The following FOXO3 variants were observed in gnomAD, a reference collection of about 807,000 sequenced individuals.
The protein encoded by FOXO3 is forkhead box O3, also known as forkhead box protein O3.
In FOXO3, 4 loss-of-function variants were observed where a neutral mutation model predicts 41.9. That is an observed-to-expected ratio of 0.10 (90% confidence interval 0.05 to 0.22). FOXO3 has a LOEUF of 0.22. FOXO3 is among the 10% of genes least tolerant of loss of function. The pLI, the probability that FOXO3 is intolerant of heterozygous loss-of-function variation, is 1.00. For missense variants in FOXO3, 534 were observed against 906.8 expected (o/e 0.59, Z 5.28); for synonymous variants, 318 against 389.3 (o/e 0.82, Z 2.16).
chr6:108,648,475 C>T (rs985208431), intron 1 of FOXO3, among the ~76,000 whole-genome samples: 3 of 152,222 alleles, frequency 2.0e-5, no homozygotes, highest in Admixed American at 1.3e-4. Context: ...GGTTTATTGT[C>T]GTAAAGCCTT....
chr6:108,606,969 T>C (rs1777221747), intron 1 of FOXO3, among the ~76,000 whole-genome samples: 1 of 152,246 alleles, frequency 6.6e-6, no homozygotes, highest in African/African-American at 2.4e-5. Context: ...TTTTGTTATG[T>C]GTAAAAACAA....
At chr6:108,675,046 A>G (rs991389152) in intron 2 of FOXO3, among the ~76,000 whole-genome samples, 1 of 152,184 alleles carries the variant, frequency 6.6e-6, no homozygotes, top group African/African-American at 2.4e-5. Flanking sequence ...GACTCTGGAT[A>G]TGTGAAAAAT....
chr6:108,647,447 C>G (rs540328176), intron 1 of FOXO3, among the ~76,000 whole-genome samples: 1 of 152,214 alleles, frequency 6.6e-6, no homozygotes, highest in East Asian at 1.9e-4. Flanking sequence ...CATGCATGTC[C>G]ACAAATAGCA....
intron 1 of FOXO3, among the ~76,000 whole-genome samples, chr6:108,569,324 G>A (rs1776026527): frequency 6.6e-6 from 1 of 152,198 alleles, no homozygotes; most frequent in African/African-American, 2.4e-5. Context: ...GACAGACCCA[G>A]TATCTTTCAC....
In FOXO3 at chr6:108,588,142, A is replaced by T. The variant is rs571254087; in HGVS notation, c.621+26313A>T. Among the ~76,000 whole-genome samples, 17 of 152,364 alleles carry T rather than the reference A, an allele frequency of 1.1e-4. No individual in the cohort carries two copies. In the South Asian group the frequency reaches 3.5e-3, roughly 32 times the overall value. On this transcript the variant is annotated intron_variant, in intron 1 of 2. Transcript: ENST00000406360. ...TAACAGTTGCATTGCTTATGATCTC[A>T]TTTACGAATGTGTTTTATCATCTTT...
At position 108,572,132 on chromosome 6, in the gene FOXO3, G is replaced by A. The variant is rs568129341; in HGVS notation, c.621+10303G>A. Among the ~76,000 whole-genome samples, 20 of 152,184 alleles carry A rather than the reference G, an allele frequency of 1.3e-4. No homozygotes were observed. The South Asian group carries it at 1.7e-3, about 13-fold the overall frequency. ...TGTTTTGTGAACTGACAGTATGGCCGTGCTTGTTGATTGTGGACTTGAGGT... is the reference window on the plus strand; with the variant it reads ...TGTTTTGTGAACTGACAGTATGGCCATGCTTGTTGATTGTGGACTTGAGGT... On this transcript the variant is annotated intron_variant, in intron 1 of 2. Transcript: ENST00000406360.
chr6:108,661,193 G>A (rs1778838802), intron 1 of FOXO3, among the ~76,000 whole-genome samples: 2 of 152,112 alleles, frequency 1.3e-5, no homozygotes, highest in South Asian at 4.2e-4. Flanking sequence ...AGTGAGCCGA[G>A]ATCAAGCCAT....
At chr6:108,650,990 AT>A (rs796246177) in intron 1 of FOXO3, among the ~76,000 whole-genome samples, 54 of 152,318 alleles carry the variant, frequency 3.5e-4, no homozygotes, top group African/African-American at 1.2e-3. Context: ...AGAAAAAAAA[AT>A]CTTGCAAAAC....
chr6:108,561,947 A>C, intron 1 of FOXO3, 118 bp downstream of exon 1: 1 of 1,379,460 alleles, frequency 7.2e-7, no homozygotes, highest in East Asian at 2.9e-5. Flanking sequence ...TGGCAGGGGG[A>C]GCCTCCGCTG....
intron 1 of FOXO3, among the ~76,000 whole-genome samples, chr6:108,627,328 CGA>C (rs912263319): frequency 1.3e-4 from 19 of 152,000 alleles, no homozygotes; most frequent in Non-Finnish European, 2.4e-4. Context: ...GCGTATCACA[CGA>C]GACTCATTTA....
chr6:108,663,414 C>A, intron 1 of FOXO3, 41 bp from the exon 2 acceptor site: 1 of 1,541,724 alleles, frequency 6.5e-7, no homozygotes, highest in Non-Finnish European at 8.7e-7. Context: ...CGGTTTTGGA[C>A]CATTCTGGTT....
intron 1 of FOXO3, among the ~76,000 whole-genome samples, chr6:108,627,781 C>T (rs927481704): frequency 6.6e-6 from 1 of 152,078 alleles, no homozygotes; most frequent in African/African-American, 2.4e-5. Flanking sequence ...CATTCAAAGC[C>T]ATCCTAGGCT....
intron 1 of FOXO3, among the ~76,000 whole-genome samples, chr6:108,638,344 A>G (rs1426072646): frequency 1.3e-5 from 2 of 152,214 alleles, no homozygotes; most frequent in African/African-American, 4.8e-5. Context: ...TTCATTTGGG[A>G]AGAGGATTCT....
In FOXO3 at chr6:108,664,758, T is replaced by C; in HGVS notation, c.1925T>C (p.Phe642Ser). Residue 642 changes from phenylalanine to serine, a missense_variant, in exon 2 of 3, where the codon TTT (phenylalanine) becomes TCT (serine). Around this residue, in one of 8 missense-constraint regions of FOXO3, gnomAD observed 94 missense variants for 214.4 expected, o/e 0.44. Transcript: ENST00000406360. The part of the protein sequence containing the change: ...LMDADGLDFN[F>S]DSLISTQNVV... ...GATGCTGATGGGTTGGATTTTAACT[T>C]TGATTCCCTCATCTCCACACAGAAT... 6.9e-7 allele frequency: 1 copy of C among 1,441,314 alleles called. No homozygotes were observed. Among genetic ancestry groups the C allele is most frequent in the Non-Finnish European group, 9.6e-7 (1 of 1,038,336 alleles). The allele number at this position is 1,441,314 out of a possible 1,614,324, so 89.3% of individuals were successfully genotyped here.
At chr6:108,573,570 G>A (rs529420136) in intron 1 of FOXO3, among the ~76,000 whole-genome samples, 30 of 152,360 alleles carry the variant, frequency 2.0e-4, no homozygotes, top group South Asian at 1.7e-3. Flanking sequence ...GTTCACGCCT[G>A]TAATACCAGC....
At chr6:108,602,289 A>T (rs1267393665) in intron 1 of FOXO3, among the ~76,000 whole-genome samples, 1 of 152,108 alleles carries the variant, frequency 6.6e-6, no homozygotes, top group Non-Finnish European at 1.5e-5. Flanking sequence ...AACTCCTACC[A>T]TCAATGTATG....
intron 1 of FOXO3, among the ~76,000 whole-genome samples, chr6:108,587,929 C>G (rs1776628634): frequency 6.6e-6 from 1 of 152,216 alleles, no homozygotes; most frequent in South Asian, 2.1e-4. Context: ...CTGGGACATG[C>G]ACTAGAGAAG....
At chr6:108,575,868 C>T (rs970297311) in intron 1 of FOXO3, among the ~76,000 whole-genome samples, 1 of 152,198 alleles carries the variant, frequency 6.6e-6, no homozygotes, top group Non-Finnish European at 1.5e-5. Context: ...AAAACTGAAG[C>T]TCTGAACTCA....
chr6:108,650,609 T>C (rs935405739), intron 1 of FOXO3, among the ~76,000 whole-genome samples: 4 of 152,248 alleles, frequency 2.6e-5, no homozygotes, highest in African/African-American at 9.6e-5. Context: ...ATTTCTGTTA[T>C]GGCCTTTAGA....
Sources: allele counts gnomAD v4.1 joint callset (sites outside exome capture counted in the v4.1 genomes callset), GRCh38; gene constraint gnomAD v4.1.1; regional missense constraint gnomAD v4.1.1; transcripts MANE v1.5; gene names NCBI Gene and HGNC (gene_info 2026-07-23, HGNC 2026-07-21).